FBXO4: variants seen among roughly 807,000 people sequenced by gnomAD.
The protein encoded by FBXO4 is F-box only protein 4.
Under a neutral mutation model 43.7 loss-of-function variants are expected in FBXO4, and 36 were observed. The observed-to-expected ratio is 0.82, with a 90% CI of 0.63 to 1.09. FBXO4 has a LOEUF of 1.09. FBXO4 is among the 50% of genes least tolerant of loss of function. The probability of loss-of-function intolerance (pLI) is 0.00; values close to 1 mark genes in which losing one functional copy is unlikely to be tolerated. For missense variants in FBXO4, 435 were observed against 474.1 expected (o/e 0.92, Z 0.77); for synonymous variants, 180 against 165.6 (o/e 1.09, Z -0.67).
chr5:42,005,335 G>C, the FBXO4 span, among the ~76,000 whole-genome samples: 1 of 152,160 alleles, frequency 6.6e-6, no homozygotes, highest in Non-Finnish European at 1.5e-5. Context: ...TACGTGCACA[G>C]TTCTTAGGAG....
downstream of FBXO4, among the ~76,000 whole-genome samples, chr5:41,945,907 GT>G (rs956295175): frequency 6.6e-6 from 1 of 152,178 alleles, no homozygotes; most frequent in African/African-American, 2.4e-5. Flanking sequence ...GAAAGACTGT[GT>G]TTCTGTTTTA....
chr5:41,951,865 TTAA>T, the FBXO4 span: 6 of 232,818 alleles, frequency 2.6e-5, no homozygotes, highest in South Asian at 3.2e-4. Context: ...CTGGATCTGG[TTAA>T]TGAAGTTTCC....
chr5:42,039,477 C>T, the FBXO4 span, among the ~76,000 whole-genome samples: 1 of 152,194 alleles, frequency 6.6e-6, no homozygotes, highest in East Asian at 1.9e-4. Context: ...ATGTTCCTAC[C>T]TGTGGAACTA....
the FBXO4 span, among the ~76,000 whole-genome samples, chr5:42,025,745 C>T: frequency 6.6e-6 from 1 of 151,906 alleles, no homozygotes; most frequent in Non-Finnish European, 1.5e-5. Context: ...AGTCTAGTTA[C>T]ATTCTTCTGA....
downstream of FBXO4, among the ~76,000 whole-genome samples, chr5:41,942,557 T>C (rs546598547): frequency 3.5e-4 from 53 of 152,246 alleles, no homozygotes; most frequent in African/African-American, 1.3e-3. Context: ...TTTTTTCTTA[T>C]AGCACACTCC....
chr5:41,965,486 T>C, the FBXO4 span, among the ~76,000 whole-genome samples: 1 of 152,238 alleles, frequency 6.6e-6, no homozygotes, highest in South Asian at 2.1e-4. Context: ...GTATGGCCAC[T>C]TTAACTATAT....
At chr5:42,018,379 C>T in the FBXO4 span, among the ~76,000 whole-genome samples, 35 of 151,930 alleles carry the variant, frequency 2.3e-4, 1 homozygote, top group Non-Finnish European at 4.9e-4. Context: ...CAAACAAGTG[C>T]AAAAATGCTG....
the FBXO4 span, among the ~76,000 whole-genome samples, chr5:41,997,712 A>G: frequency 6.6e-6 from 1 of 152,194 alleles, no homozygotes; most frequent in Admixed American, 6.5e-5. Context: ...AATGAATGTC[A>G]GCTCAGAGCC....
the FBXO4 span, among the ~76,000 whole-genome samples, chr5:41,974,943 G>C: frequency 6.6e-6 from 1 of 152,114 alleles, no homozygotes; most frequent in Non-Finnish European, 1.5e-5. Context: ...GTCAGGGATT[G>C]AGTTAATCTA....
At chr5:41,935,210 A>G (rs1009748696) in intron 5 of FBXO4, 9 of 866,532 alleles carry the variant, frequency 1.0e-5, no homozygotes, top group Non-Finnish European at 1.2e-5. Context: ...CCTATAAAAC[A>G]AGCACACAAA....
chr5:41,936,657 A>T (rs962890603), intron 5 of FBXO4, among the ~76,000 whole-genome samples: 2 of 152,196 alleles, frequency 1.3e-5, no homozygotes, highest in African/African-American at 2.4e-5. Flanking sequence ...AGCATGCTAG[A>T]TATGAAAATA....
chr5:41,939,583 G>A lies in FBXO4; in HGVS notation c.1041G>A (p.Glu347=). The A allele has an allele frequency of 6.2e-7, 1 of 1,613,214 alleles. No homozygotes were observed. Among genetic ancestry groups the A allele is most frequent in the Non-Finnish European group, 8.5e-7 (1 of 1,179,592 alleles). Residue 347 remains glutamate, a synonymous_variant, in exon 6 of 7, where the codon GAG becomes GAA. Coordinates refer to ENST00000281623, the MANE Select transcript of FBXO4 (RefSeq NM_012176.3). ...TGCCCTGTTTTTATTTGGCTCATGA[G>A]CTGCATCTGAATCTTCTAAATCACC... ...KRMPCFYLAH[E]LHLNLLNHPW...
At chr5:41,944,160 G>A (rs1752043507), downstream of FBXO4, among the ~76,000 whole-genome samples, 1 of 152,146 alleles carries the variant, frequency 6.6e-6, no homozygotes, top group Non-Finnish European at 1.5e-5. Context: ...GTAACCGAAT[G>A]CTATTTTGTA....
rs780014647 is a variant in FBXO4, at chr5:41,929,708, G to A, written c.437G>A (p.Cys146Tyr). Reference protein sequence around the residue: ...FFDYMAVYRMCCPYTRRASKS... With the variant: ...FFDYMAVYRMYCPYTRRASKS... Reference sequence around the variant, plus strand: ...ACAATTTTTTACAGCTATAGAATGTGCTGTCCATACACAAGAAGAGCTTCA... The same window carrying A: ...ACAATTTTTTACAGCTATAGAATGTACTGTCCATACACAAGAAGAGCTTCA... The change falls in exon 3 of 7, where the codon TGC becomes TAC. Residue 146 changes from cysteine to tyrosine, a missense_variant. Transcript: ENST00000281623. 21 of 1,605,854 alleles carry A rather than the reference G, an allele frequency of 1.3e-5. No individual in the cohort carries two copies. The highest frequency in any genetic ancestry group is 1.8e-5 in the Non-Finnish European group (21 of 1,176,908).
chr5:41,934,445 A>G (rs1270426445), intron 5 of FBXO4, 137 bp downstream of exon 5: 1 of 1,493,722 alleles, frequency 6.7e-7, no homozygotes, highest in Non-Finnish European at 8.9e-7. Flanking sequence ...CCTTACTATT[A>G]ATAGTGTGTT....
chr5:41,990,487 G>A, the FBXO4 span, among the ~76,000 whole-genome samples: 22 of 152,144 alleles, frequency 1.4e-4, no homozygotes, highest in Non-Finnish European at 2.6e-4. Flanking sequence ...TATTGGTAGT[G>A]GGAATTTCAG....
chr5:41,959,914 A>G, the FBXO4 span, among the ~76,000 whole-genome samples: 2 of 152,074 alleles, frequency 1.3e-5, no homozygotes, highest in Non-Finnish European at 2.9e-5. Context: ...TGGAATTTGT[A>G]TAGGGATTTT....
chr5:41,981,338 G>T, the FBXO4 span, among the ~76,000 whole-genome samples: 1 of 151,518 alleles, frequency 6.6e-6, no homozygotes, highest in East Asian at 1.9e-4. Flanking sequence ...TGATTATGAA[G>T]TATTGCCTGA....
the FBXO4 span, among the ~76,000 whole-genome samples, chr5:42,006,912 A>ATATATATATATATATATG: frequency 2.8e-5 from 4 of 141,048 alleles, no homozygotes; most frequent in Admixed American, 7.1e-5. Context: ...ATATATATAT[A>ATATATATATATATATATG]TATATGTATA....
Sources: gnomAD v4.1 joint callset for allele counts (sites outside exome capture counted in the v4.1 genomes callset) on GRCh38, gnomAD v4.1.1 for gene constraint, MANE v1.5 for transcripts, NCBI Gene and HGNC (gene_info 2026-07-23, HGNC 2026-07-21) for gene names.